The following EHD4 variants were observed in gnomAD, a reference collection of about 807,000 sequenced individuals.
The protein encoded by EHD4 is EH domain-containing protein 4.
Under a neutral mutation model 51.0 loss-of-function variants are expected in EHD4, and 37 were observed. That is an observed-to-expected ratio of 0.73 (90% confidence interval 0.56 to 0.95). The LOEUF (loss-of-function observed/expected upper bound fraction) is 0.95, where lower values mean the gene tolerates loss of function less well. Among genes scored for constraint, EHD4 ranks in the 40% least tolerant of loss-of-function variants. The probability of loss-of-function intolerance (pLI) is 0.00; values close to 1 mark genes in which losing one functional copy is unlikely to be tolerated. For missense variants in EHD4, 632 were observed against 733.1 expected, an observed-to-expected ratio of 0.86 and a Z score of 1.59; for synonymous variants, 297 against 317.3, an observed-to-expected ratio of 0.94 and a Z score of 0.68.
intron 1 of EHD4, among the ~76,000 whole-genome samples, chr15:41,954,489 T>C (rs1371132753): frequency 2.6e-5 from 4 of 152,198 alleles, no homozygotes; most frequent in African/African-American, 9.7e-5. Context: ...CTGATTCTAA[T>C]GTAAGCCCAC....
chr15:41,945,856 C>T (rs892376195), intron 2 of EHD4, among the ~76,000 whole-genome samples: 1 of 152,214 alleles, frequency 6.6e-6, no homozygotes, highest in Non-Finnish European at 1.5e-5. Flanking sequence ...AGAACCTGGG[C>T]TCTGCAGTCA....
At chr15:41,970,361 A>G (rs140772953) in intron 1 of EHD4, among the ~76,000 whole-genome samples, 136 of 152,324 alleles carry the variant, frequency 8.9e-4, no homozygotes, top group African/African-American at 2.9e-3. Flanking sequence ...CCCTCACCCT[A>G]GGGTGGCCCA....
chr15:41,937,010 G>GCC (rs2140996500), intron 3 of EHD4, among the ~76,000 whole-genome samples: 1 of 152,360 alleles, frequency 6.6e-6, no homozygotes, highest in Non-Finnish European at 1.5e-5. Context: ...AGCCTCCAGG[G>GCC]ATGGACACTT....
At chr15:41,947,569 C>T (rs1440085950) in intron 2 of EHD4, among the ~76,000 whole-genome samples, 2 of 152,158 alleles carry the variant, frequency 1.3e-5, no homozygotes, top group African/African-American at 4.8e-5. Context: ...AATACAACTT[C>T]CTAAATTTGC....
intron 5 of EHD4, among the ~76,000 whole-genome samples, chr15:41,907,409 C>T (rs887862043): frequency 1.3e-5 from 2 of 152,208 alleles, no homozygotes; most frequent in Non-Finnish European, 2.9e-5. Flanking sequence ...TCCTGGAGGC[C>T]ACAACAGCCC....
intron 4 of EHD4, among the ~76,000 whole-genome samples, chr15:41,914,716 C>A (rs1770056446): frequency 6.6e-6 from 1 of 152,058 alleles, no homozygotes; most frequent in South Asian, 2.1e-4. Context: ...TCCATTATAT[C>A]ATGATTCTCA....
At chr15:41,934,180 G>A (rs1021683536) in intron 3 of EHD4, among the ~76,000 whole-genome samples, 1 of 152,056 alleles carries the variant, frequency 6.6e-6, no homozygotes, top group East Asian at 1.9e-4. Context: ...GGATGGCAGG[G>A]TATGTAGGAG....
rs145449965 is a variant in EHD4, at chr15:41,900,722, C to T, written c.1549G>A (p.Gly517Ser). 6 of 1,611,596 alleles carry T rather than the reference C, an allele frequency of 3.7e-6. No homozygotes were observed. Among genetic ancestry groups the T allele is most frequent in the African/African-American group, 2.7e-5 (2 of 74,920 alleles). Reference sequence around the variant, plus strand: ...GGCAGGCTGCTGGGCAGCTCGTAGCCGTCGAGCTTGATCTTGATGAGGTGC... The same window carrying T: ...GGCAGGCTGCTGGGCAGCTCGTAGCTGTCGAGCTTGATCTTGATGAGGTGC... ...AKHLIKIKLDGYELPSSLPPH... is the reference protein window; with the variant it reads ...AKHLIKIKLDSYELPSSLPPH... The change falls in exon 6 of 6, where the codon GGC becomes AGC. Residue 517 changes from glycine (G) to serine (S), a missense_variant. Physicochemically the swap from Gly to Ser is moderately conservative, Grantham distance 56 (BLOSUM62 0). Transcript: ENST00000220325. The surrounding 1 kb of genome is among the most constrained non-coding windows in gnomAD (Gnocchi z 4.8).
intron 2 of EHD4, among the ~76,000 whole-genome samples, chr15:41,947,286 T>C (rs528053135): frequency 6.6e-6 from 1 of 152,206 alleles, no homozygotes; most frequent in African/African-American, 2.4e-5. Context: ...CCTTGTGTGG[T>C]TTGCTCTCTA....
chr15:41,959,259 G>A (rs1414677265), intron 1 of EHD4, among the ~76,000 whole-genome samples: 2 of 151,938 alleles, frequency 1.3e-5, no homozygotes, highest in African/African-American at 4.8e-5. Flanking sequence ...AGCCAGGCAT[G>A]GTGGCGGGCG....
intron 2 of EHD4, among the ~76,000 whole-genome samples, chr15:41,946,287 C>G (rs762629639): frequency 4.6e-5 from 7 of 152,130 alleles, no homozygotes; most frequent in Admixed American, 2.0e-4. Flanking sequence ...GAGAAGAAGA[C>G]GGAGCAACTG....
In EHD4 at chr15:41,900,864, G is replaced by A. The variant is rs201800565; in HGVS notation, c.1407C>T (p.Asn469=). 4.3e-6 allele frequency: 7 copies of A among 1,614,052 alleles called. No individual in the cohort carries two copies. Among genetic ancestry groups the A allele is most frequent in the South Asian group, 2.2e-5 (2 of 91,084 alleles). The change falls in exon 6 of 6, where the codon AAC becomes AAT. Residue 469 remains asparagine (N), a synonymous_variant. Coordinates refer to ENST00000220325, the MANE Select transcript of EHD4 (RefSeq NM_139265.4). This position sits in a 1 kb window ranked among gnomAD's most constrained non-coding sequence, Gnocchi z 4.8. ...TGGAGGTCACCATCTCCTTCTTGGC[G>A]TTGACACCTGATATCTTGCCATTGA... ...SPINGKISGV[N]AKKEMVTSKL...
At chr15:41,946,437 A>G (rs1278305014) in intron 2 of EHD4, among the ~76,000 whole-genome samples, 2 of 152,172 alleles carry the variant, frequency 1.3e-5, no homozygotes, top group East Asian at 3.9e-4. Flanking sequence ...ACACAGTAAA[A>G]GGAGAGAGCA....
chr15:41,963,212 T>C (rs947283784), intron 1 of EHD4, among the ~76,000 whole-genome samples: 2 of 151,480 alleles, frequency 1.3e-5, no homozygotes, highest in African/African-American at 4.9e-5. Flanking sequence ...CACATGTTTA[T>C]CTGCTGACCT....
chr15:41,962,873 G>C (rs1246781621), intron 1 of EHD4, among the ~76,000 whole-genome samples: 2 of 152,250 alleles, frequency 1.3e-5, no homozygotes, highest in Non-Finnish European at 2.9e-5. Context: ...GTGGGGAAAA[G>C]AAAGAGAGAT....
At chr15:41,957,615 C>A (rs1480804626) in intron 1 of EHD4, among the ~76,000 whole-genome samples, 4 of 152,312 alleles carry the variant, frequency 2.6e-5, no homozygotes, top group Non-Finnish European at 5.9e-5. Context: ...GAACCTGCAG[C>A]CCCTTTCTCC....
intron 3 of EHD4, among the ~76,000 whole-genome samples, chr15:41,931,964 C>A (rs897607620): frequency 6.6e-6 from 1 of 151,918 alleles, no homozygotes; most frequent in Non-Finnish European, 1.5e-5. Context: ...TGTGAGCCGC[C>A]GCGCCCAGCC....
Position 41,900,859 on chromosome 15 carries a change from T to C in EHD4, c.1412A>G (p.Lys471Arg), listed in dbSNP as rs751169689. The change falls in exon 6 of 6, where the codon AAG becomes AGG. Residue 471 changes from lysine (K) to arginine (R), a missense_variant. Lys to Arg is a conservative substitution (Grantham distance 26, BLOSUM62 2). Coordinates refer to ENST00000220325, the MANE Select transcript of EHD4 (RefSeq NM_139265.4). This position sits in a 1 kb window ranked among gnomAD's most constrained non-coding sequence, Gnocchi z 4.8. ...INGKISGVNAKKEMVTSKLPN... is the reference protein window; with the variant it reads ...INGKISGVNARKEMVTSKLPN... ...CAGCTTGGAGGTCACCATCTCCTTCTTGGCGTTGACACCTGATATCTTGCC... is the reference window on the plus strand; with the variant it reads ...CAGCTTGGAGGTCACCATCTCCTTCCTGGCGTTGACACCTGATATCTTGCC... The C allele has an allele frequency of 4.7e-5, 76 of 1,614,076 alleles. 1 individual carries two copies. The Middle Eastern group carries it at 4.9e-4, about 10-fold the overall frequency.
intron 2 of EHD4, among the ~76,000 whole-genome samples, chr15:41,951,355 G>T (rs946985755): frequency 6.6e-6 from 1 of 152,122 alleles, no homozygotes; most frequent in Non-Finnish European, 1.5e-5. Context: ...ATAAGGCATG[G>T]ATTATTTTCA....
Sources: gnomAD v4.1 joint callset for allele counts (sites outside exome capture counted in the v4.1 genomes callset) on GRCh38, gnomAD v4.1.1 for gene constraint, Gnocchi (gnomAD v3.1) non-coding constraint, MANE v1.5 for transcripts, NCBI Gene and HGNC (gene_info 2026-07-23, HGNC 2026-07-21) for gene names.